The following GRK5 variants were observed in gnomAD, a reference collection of about 807,000 sequenced individuals.
GRK5 encodes the protein G protein-coupled receptor kinase 5.
GRK5 carries 40 observed loss-of-function variants against 78.4 expected under a neutral mutation model. The ratio of observed to expected loss-of-function variants is 0.51; its 90% CI spans 0.40 to 0.66. The LOEUF is 0.66. GRK5 is among the 30% of genes least tolerant of loss of function. The pLI is 0.00. For synonymous variants in GRK5, 289 were observed against 296.8 expected (o/e 0.97, Z 0.27); for missense variants, 598 against 759.9 (o/e 0.79, Z 2.50).
At chr10:119,348,859 C>T (rs1851145955) in intron 2 of GRK5, among the ~76,000 whole-genome samples, 1 of 152,202 alleles carries the variant, frequency 6.6e-6, no homozygotes, top group South Asian at 2.1e-4. Flanking sequence ...AAGGAGTTCG[C>T]TCCATTAAGA....
intron 4 of GRK5, among the ~76,000 whole-genome samples, chr10:119,398,956 G>A (rs996040814): frequency 6.6e-6 from 1 of 152,222 alleles, no homozygotes; most frequent in Admixed American, 6.5e-5. Flanking sequence ...CAGGGTACAG[G>A]CAGGCACTGG....
At chr10:119,352,291 T>G (rs1438493415) in intron 2 of GRK5, among the ~76,000 whole-genome samples, 1 of 152,220 alleles carries the variant, frequency 6.6e-6, no homozygotes, top group Non-Finnish European at 1.5e-5. Flanking sequence ...CACAATATTC[T>G]TGTTCCAAAG....
chr10:119,415,916 C>T (rs1852440607), intron 4 of GRK5, among the ~76,000 whole-genome samples: 1 of 152,204 alleles, frequency 6.6e-6, no homozygotes, highest in Admixed American at 6.5e-5. Flanking sequence ...GGGGTCTTTC[C>T]TGGAGGGTCC....
intron 1 of GRK5, among the ~76,000 whole-genome samples, chr10:119,294,193 A>G (rs767023296): frequency 1.3e-5 from 2 of 152,122 alleles, no homozygotes; most frequent in Non-Finnish European, 2.9e-5. Context: ...CCAAGTTCAA[A>G]TCTCTGCTCT....
intron 11 of GRK5, among the ~76,000 whole-genome samples, chr10:119,443,272 C>A (rs1014046781): frequency 6.6e-6 from 1 of 152,076 alleles, no homozygotes; most frequent in African/African-American, 2.4e-5. Flanking sequence ...CATATTGTTA[C>A]GGTAGTGAAT....
chr10:119,448,468 A>G (rs984404048), intron 13 of GRK5, among the ~76,000 whole-genome samples: 2 of 152,244 alleles, frequency 1.3e-5, no homozygotes, highest in Non-Finnish European at 2.9e-5. Flanking sequence ...GGGAGCCCAC[A>G]TTGGCTGTCC....
intron 2 of GRK5, among the ~76,000 whole-genome samples, chr10:119,344,897 CCT>C (rs1446166512): frequency 7.2e-6 from 1 of 139,750 alleles, no homozygotes; most frequent in African/African-American, 2.7e-5. Flanking sequence ...TTCCTTCCTT[CCT>C]TCCTTCCTTC....
chr10:119,304,027 G>T, intron 1 of GRK5, among the ~76,000 whole-genome samples: 1 of 152,136 alleles, frequency 6.6e-6, no homozygotes, highest in East Asian at 1.9e-4. Context: ...TGACTCACCT[G>T]CCTTTCTGGA....
chr10:119,446,190 A>C (rs1372576461), intron 12 of GRK5, among the ~76,000 whole-genome samples: 2 of 152,008 alleles, frequency 1.3e-5, no homozygotes, highest in Non-Finnish European at 2.9e-5. Context: ...CCTGGTGTCC[A>C]CCTGATAGCA....
chr10:119,427,341 T>TCACTGCTGTTATCAATATCC (rs1564930899), intron 6 of GRK5, among the ~76,000 whole-genome samples: 1 of 148,272 alleles, frequency 6.7e-6, no homozygotes, highest in Non-Finnish European at 1.5e-5. Flanking sequence ...TTCATCAACA[T>TCACTGCTGTTATCAATATCC]CACCACCATC....
At chr10:119,357,797 C>G (rs1428298367) in intron 2 of GRK5, among the ~76,000 whole-genome samples, 2 of 146,642 alleles carry the variant, frequency 1.4e-5, no homozygotes, top group Admixed American at 1.4e-4. Context: ...TTTGTGCCCC[C>G]TTTATGTCTC....
intron 4 of GRK5, among the ~76,000 whole-genome samples, chr10:119,400,529 C>T (rs1023566284): frequency 6.6e-6 from 1 of 151,950 alleles, no homozygotes; most frequent in African/African-American, 2.4e-5. Context: ...CCAGAGTTAC[C>T]TGGGGGCAAA....
intron 1 of GRK5, among the ~76,000 whole-genome samples, chr10:119,220,637 C>G (rs1411308011): frequency 6.9e-6 from 1 of 143,986 alleles, no homozygotes; most frequent in Admixed American, 6.9e-5. Context: ...GAGTTTGAGA[C>G]CACCCTGGCC....
At chr10:119,353,632 A>G (rs1003628952) in intron 2 of GRK5, among the ~76,000 whole-genome samples, 1 of 152,168 alleles carries the variant, frequency 6.6e-6, no homozygotes, top group Non-Finnish European at 1.5e-5. Flanking sequence ...CTGGCAGCAA[A>G]GGCTGGGTGG....
At chr10:119,432,714 C>G (rs990788473) in intron 8 of GRK5, among the ~76,000 whole-genome samples, 34 of 152,162 alleles carry the variant, frequency 2.2e-4, no homozygotes, top group Non-Finnish European at 4.4e-5. Context: ...CATCATTCTC[C>G]TGAAGAGATA....
rs1337090188 is a variant in GRK5, at chr10:119,271,033, G to A, written c.53-55483G>A. Among the ~76,000 whole-genome samples, 2 of 152,210 alleles carry A rather than the reference G, an allele frequency of 1.3e-5. No homozygotes were observed. The highest frequency in any genetic ancestry group is 2.9e-5 in the Non-Finnish European group (2 of 68,044). On this transcript the variant is annotated intron_variant, in intron 1 of 15. Transcript: ENST00000392870. This position sits in a 1 kb window ranked among gnomAD's most constrained non-coding sequence, Gnocchi z 4.1. ...AATGTCATGAGTGTTATTATTAGTCGTAATCTTATCTTTGTTAATAATAAT... is the reference window on the plus strand; with the variant it reads ...AATGTCATGAGTGTTATTATTAGTCATAATCTTATCTTTGTTAATAATAAT...
chr10:119,345,175 A>G (rs943561391), intron 2 of GRK5, among the ~76,000 whole-genome samples: 1 of 151,958 alleles, frequency 6.6e-6, no homozygotes, highest in Non-Finnish European at 1.5e-5. Context: ...TCACCGTGTT[A>G]GCCAGGATGG....
chr10:119,322,712 C>G (rs1335396789), intron 1 of GRK5, among the ~76,000 whole-genome samples: 1 of 152,200 alleles, frequency 6.6e-6, no homozygotes, highest in Non-Finnish European at 1.5e-5. Flanking sequence ...GATTGGGGTA[C>G]AGCCTAGCAA....
intron 2 of GRK5, among the ~76,000 whole-genome samples, chr10:119,365,116 A>C (rs1851424412): frequency 6.6e-6 from 1 of 152,222 alleles, no homozygotes; most frequent in Non-Finnish European, 1.5e-5. Context: ...TACAAGGTCT[A>C]GACAGTTATG....
Sources: allele counts gnomAD v4.1 joint callset (sites outside exome capture counted in the v4.1 genomes callset), GRCh38; gene constraint gnomAD v4.1.1; non-coding constraint Gnocchi (gnomAD v3.1); transcripts MANE v1.5; gene names NCBI Gene and HGNC (gene_info 2026-07-23, HGNC 2026-07-21).